CTNNA2: variants seen among roughly 807,000 people sequenced by gnomAD.
The protein encoded by CTNNA2 is catenin alpha 2.
Under a neutral mutation model 101.0 loss-of-function variants are expected in CTNNA2, and 42 were observed. The observed-to-expected ratio is 0.42, with a 90% CI of 0.32 to 0.54. The LOEUF (loss-of-function observed/expected upper bound fraction) is 0.54, where lower values mean the gene tolerates loss of function less well. Among genes scored for constraint, CTNNA2 ranks in the 20% least tolerant of loss-of-function variants. The probability of loss-of-function intolerance (pLI) is 0.14; values close to 1 mark genes in which losing one functional copy is unlikely to be tolerated. For missense variants in CTNNA2, 871 were observed against 1,223.1 expected, an observed-to-expected ratio of 0.71 and a Z score of 4.29; for synonymous variants, 450 against 456.4, an observed-to-expected ratio of 0.99 and a Z score of 0.18.
chr2:79,328,524 A>G (rs1045697416), intron 3 of CTNNA2, among the ~76,000 whole-genome samples: 35 of 152,260 alleles, frequency 2.3e-4, no homozygotes, highest in African/African-American at 7.2e-4. Context: ...TTGCTATTGC[A>G]GAGATGATTT....
rs75734168 is a variant in CTNNA2 at position 79,323,220 on chromosome 2, T to G, written c.-318+10424T>G. On this transcript the variant is annotated intron_variant, in intron 3 of 21. Coordinates refer to the CTNNA2 transcript ENST00000466387. ...TAAGTTATTCCCCTTCTCAGAAATA[T>G]TCACATTCTAAAGCAGATTCCTCAC... 3.0e-4 allele frequency among the ~76,000 whole-genome samples: 45 copies of G among 152,300 alleles called. No individual in the cohort carries two copies. The East Asian group carries it at 8.5e-3, about 29-fold the overall frequency.
intron 12 of CTNNA2, among the ~76,000 whole-genome samples, chr2:80,562,749 TA>T (rs1262009430): frequency 6.6e-6 from 1 of 152,172 alleles, no homozygotes; most frequent in Non-Finnish European, 1.5e-5. Context: ...TATGCAGCTA[TA>T]AAACAGAATG....
At chr2:79,307,358 C>T (rs1026371464) in intron 2 of CTNNA2, among the ~76,000 whole-genome samples, 43 of 152,286 alleles carry the variant, frequency 2.8e-4, no homozygotes, top group African/African-American at 9.4e-4. Flanking sequence ...GCTGTAATTT[C>T]GTATCCTTTA....
At chr2:80,378,314 C>T (rs1377074786) in intron 7 of CTNNA2, among the ~76,000 whole-genome samples, 1 of 151,480 alleles carries the variant, frequency 6.6e-6, no homozygotes, top group African/African-American at 2.4e-5. Context: ...AGAGATTGCG[C>T]CATTGTACTC....
chr2:80,521,313 G>C (rs1689527148), intron 9 of CTNNA2, among the ~76,000 whole-genome samples: 1 of 152,070 alleles, frequency 6.6e-6, no homozygotes, highest in South Asian at 2.1e-4. Context: ...GAAGGAGATG[G>C]GAGTCTTTAT....
chr2:80,238,652 CTT>C (rs1709667979), intron 7 of CTNNA2, among the ~76,000 whole-genome samples: 1 of 152,138 alleles, frequency 6.6e-6, no homozygotes, highest in African/African-American at 2.4e-5. Flanking sequence ...AAGTGAACCT[CTT>C]TGCTTATGAA....
intron 7 of CTNNA2, among the ~76,000 whole-genome samples, chr2:79,951,826 C>T (rs1688903746): frequency 6.6e-6 from 1 of 152,166 alleles, no homozygotes; most frequent in African/African-American, 2.4e-5. Flanking sequence ...CCCCAGGAAC[C>T]TCTGATGATC....
intron 2 of CTNNA2, among the ~76,000 whole-genome samples, chr2:79,717,283 C>A (rs1436234108): frequency 6.6e-6 from 1 of 152,148 alleles, no homozygotes; most frequent in Non-Finnish European, 1.5e-5. Flanking sequence ...AAGTCAGCTT[C>A]CTGATTTAGA....
chr2:79,795,005 T>G (rs1662012743), intron 3 of CTNNA2, among the ~76,000 whole-genome samples: 1 of 152,224 alleles, frequency 6.6e-6, no homozygotes, highest in African/African-American at 2.4e-5. Flanking sequence ...TCTAAATATT[T>G]TATGAATCAG....
intron 3 of CTNNA2, among the ~76,000 whole-genome samples, chr2:79,828,524 A>G (rs1015817396): frequency 1.4e-4 from 22 of 152,206 alleles, no homozygotes; most frequent in African/African-American, 5.1e-4. Flanking sequence ...TTAGCAGGAA[A>G]GAAAGAATAC....
At chr2:80,456,746 A>T (rs758482686) in intron 9 of CTNNA2, among the ~76,000 whole-genome samples, 3 of 152,142 alleles carry the variant, frequency 2.0e-5, no homozygotes, top group Non-Finnish European at 4.4e-5. Context: ...AGCATAATAG[A>T]TACCTTATTG....
chr2:79,340,703 A>G (rs867224157), intron 3 of CTNNA2, among the ~76,000 whole-genome samples: 63 of 151,866 alleles, frequency 4.1e-4, no homozygotes, highest in Admixed American at 1.4e-3. Flanking sequence ...CGTGGGTTGC[A>G]GGCGCCTGTA....
intron 7 of CTNNA2, chr2:80,304,924 A>G (rs1211807212): frequency 3.3e-6 from 1 of 307,378 alleles, no homozygotes; most frequent in African/African-American, 2.3e-5. Context: ...AAAAAAAAAA[A>G]AAAAAAGGAG....
At chr2:79,465,538 T>A (rs1206884134) in intron 4 of CTNNA2, among the ~76,000 whole-genome samples, 1 of 152,214 alleles carries the variant, frequency 6.6e-6, no homozygotes, top group Non-Finnish European at 1.5e-5. Context: ...GGAAGCTTGA[T>A]GGGGATGGCA....
chr2:80,160,270 T>C (rs1264972368), intron 7 of CTNNA2, among the ~76,000 whole-genome samples: 1 of 152,238 alleles, frequency 6.6e-6, no homozygotes, highest in East Asian at 1.9e-4. Context: ...TTAAAATTCG[T>C]TTCAGTATCC....
intron 18 of CTNNA2, among the ~76,000 whole-genome samples, chr2:80,631,309 A>C (rs1672261654): frequency 6.6e-6 from 1 of 151,656 alleles, no homozygotes; most frequent in Non-Finnish European, 1.5e-5. Context: ...TTTTTTTTCA[A>C]AGAAGTTTTC....
chr2:79,351,669 C>T (rs1185732208), intron 3 of CTNNA2, among the ~76,000 whole-genome samples: 6 of 152,022 alleles, frequency 3.9e-5, no homozygotes, highest in African/African-American at 7.2e-5. Flanking sequence ...AGCTCCTATT[C>T]TTGAGAACAG....
intron 7 of CTNNA2, among the ~76,000 whole-genome samples, chr2:80,025,842 T>C (rs143457690): frequency 1.3e-5 from 2 of 152,306 alleles, no homozygotes; most frequent in Admixed American, 6.5e-5. Context: ...CATCTCCTCC[T>C]ATATGCTGTG....
chr2:79,988,609 T>G (rs1691940619), intron 7 of CTNNA2, among the ~76,000 whole-genome samples: 1 of 152,144 alleles, frequency 6.6e-6, no homozygotes, highest in Admixed American at 6.5e-5. Context: ...TCTGGATACT[T>G]GCAAGAGCTT....
Sources: allele counts gnomAD v4.1 joint callset (sites outside exome capture counted in the v4.1 genomes callset), GRCh38; gene constraint gnomAD v4.1.1; transcripts MANE v1.5; gene names NCBI Gene and HGNC (gene_info 2026-07-23, HGNC 2026-07-21).